Variants in PDE10A observed in about 807,000 individuals in gnomAD.
PDE10A encodes phosphodiesterase 10A.
PDE10A carries 39 observed loss-of-function variants against 97.7 expected under a neutral mutation model. The ratio of observed to expected loss-of-function variants is 0.40; its 90% CI spans 0.31 to 0.52. The LOEUF is 0.52. PDE10A is among the 20% of genes least tolerant of loss of function. PDE10A has a pLI of 0.56. For synonymous variants in PDE10A, 371 were observed against 376.8 expected (o/e 0.98, Z 0.18); for missense variants, 731 against 1,047.8 (o/e 0.70, Z 4.17).
At chr6:165,425,317 A>G (rs1789034414) in intron 10 of PDE10A, among the ~76,000 whole-genome samples, 2 of 152,186 alleles carry the variant, frequency 1.3e-5, no homozygotes, top group Non-Finnish European at 2.9e-5. Context: ...TAAATTTAGG[A>G]CAATTCCAAT....
intron 1 of PDE10A, among the ~76,000 whole-genome samples, chr6:165,717,938 C>T (rs1792066279): frequency 6.6e-6 from 1 of 152,146 alleles, no homozygotes; most frequent in Non-Finnish European, 1.5e-5. Context: ...ATCAGGATGT[C>T]TGGGGTTTTT....
intron 1 of PDE10A, among the ~76,000 whole-genome samples, chr6:165,967,348 T>A (rs2128499874): frequency 6.6e-6 from 1 of 152,232 alleles, no homozygotes; most frequent in Non-Finnish European, 1.5e-5. Context: ...AATACAAACA[T>A]TAGCCGGCTG....
At chr6:165,965,051 G>A (rs1046845756) in intron 1 of PDE10A, among the ~76,000 whole-genome samples, 10 of 152,306 alleles carry the variant, frequency 6.6e-5, no homozygotes, top group African/African-American at 1.7e-4. Context: ...TGACCCTGAC[G>A]GCCACCCAGG....
At chr6:165,393,284 T>G (rs752387100) in intron 15 of PDE10A, among the ~76,000 whole-genome samples, 2 of 152,130 alleles carry the variant, frequency 1.3e-5, no homozygotes, top group Non-Finnish European at 2.9e-5. Flanking sequence ...TTCCAAAGTA[T>G]TAAGGTTTAT....
At chr6:165,481,839 G>C (rs1779620324) in intron 3 of PDE10A, among the ~76,000 whole-genome samples, 1 of 152,152 alleles carries the variant, frequency 6.6e-6, no homozygotes, top group Non-Finnish European at 1.5e-5. Context: ...CTCCCAAAAA[G>C]AAAGTGCATG....
At chr6:165,492,947 A>C (rs1201222918) in intron 2 of PDE10A, among the ~76,000 whole-genome samples, 3 of 152,128 alleles carry the variant, frequency 2.0e-5, no homozygotes, top group African/African-American at 7.2e-5. Flanking sequence ...CTAAAGACTC[A>C]TCCAAAAAGC....
intron 10 of PDE10A, among the ~76,000 whole-genome samples, chr6:165,423,996 T>C (rs1202514724): frequency 6.6e-6 from 1 of 152,182 alleles, no homozygotes; most frequent in Non-Finnish European, 1.5e-5. Context: ...ATATCTGATC[T>C]TGCACCTCTA....
chr6:165,359,252 G>A (rs1783228034), intron 18 of PDE10A, among the ~76,000 whole-genome samples: 1 of 152,090 alleles, frequency 6.6e-6, no homozygotes, highest in Non-Finnish European at 1.5e-5. Flanking sequence ...ATCACTCTGA[G>A]GTTTCTCCTT....
intron 1 of PDE10A, among the ~76,000 whole-genome samples, chr6:165,924,381 A>C (rs1235851401): frequency 6.6e-6 from 1 of 151,958 alleles, no homozygotes; most frequent in Non-Finnish European, 1.5e-5. Flanking sequence ...GTTGGATGGA[A>C]TATCCCCCTC....
intron 3 of PDE10A, among the ~76,000 whole-genome samples, chr6:165,461,804 G>A (rs1583329018): frequency 1.3e-5 from 2 of 152,326 alleles, no homozygotes; most frequent in South Asian, 2.1e-4. Context: ...GGCCTCAAAC[G>A]CAGATACAGC....
intron 1 of PDE10A, among the ~76,000 whole-genome samples, chr6:165,789,774 T>C (rs1186455016): frequency 6.6e-6 from 1 of 151,624 alleles, no homozygotes; most frequent in Non-Finnish European, 1.5e-5. Flanking sequence ...GCCAAAGACA[T>C]GCTTTATCTT....
chr6:165,342,762 A>AT (rs1782049439), intron 19 of PDE10A, among the ~76,000 whole-genome samples: 1 of 152,226 alleles, frequency 6.6e-6, no homozygotes, highest in Non-Finnish European at 1.5e-5. Context: ...GGATGGGAGA[A>AT]TGATATTCTA....
rs1471323741 is a variant in PDE10A at position 165,327,366 on chromosome 6, A to T, written c.*5659T>A. ...TTATGAACATTTCTAAATATATTTC[A>T]TGTATCATACATATATATATTTTAT... On this transcript the variant is annotated 3_prime_UTR_variant, in exon 22 of 22. Coordinates refer to ENST00000539869, the MANE Select transcript of PDE10A (RefSeq NM_001385079.1). 3.9e-5 allele frequency: 6 copies of T among 152,238 alleles called. No homozygotes were observed. Among genetic ancestry groups the T allele is most frequent in the Non-Finnish European group, 8.8e-5 (6 of 68,036 alleles). The allele number at this position is 152,238 out of a possible 1,614,324, so 9.4% of individuals were successfully genotyped here. A position where few individuals can be genotyped will look rare whatever the true frequency, so the allele number is the denominator to read the frequency against.
At chr6:165,754,695 G>A (rs1185088993) in intron 1 of PDE10A, among the ~76,000 whole-genome samples, 3 of 152,072 alleles carry the variant, frequency 2.0e-5, no homozygotes, top group African/African-American at 4.8e-5. Flanking sequence ...TCCACTTACC[G>A]TGTGAATTTG....
chr6:165,545,553 C>CA (rs766690495), intron 1 of PDE10A, among the ~76,000 whole-genome samples: 24 of 151,716 alleles, frequency 1.6e-4, no homozygotes, highest in Non-Finnish European at 2.4e-4. Flanking sequence ...CCAAAATAAA[C>CA]AAAAAAACAC....
chr6:165,452,638 C>T (rs1791386304), intron 3 of PDE10A, among the ~76,000 whole-genome samples: 1 of 152,118 alleles, frequency 6.6e-6, no homozygotes, highest in African/African-American at 2.4e-5. Flanking sequence ...CCAGGACCTC[C>T]CAGCCTCCAA....
chr6:165,796,190 A>G (rs9356390), intron 1 of PDE10A, among the ~76,000 whole-genome samples: 83,964 of 145,970 alleles, frequency 0.58, 23,704 homozygotes, highest in Middle Eastern at 0.66. Context: ...CCGCCTCCCG[A>G]GTTCACGCCA....
chr6:165,406,439 T>C (rs1787176197), intron 13 of PDE10A, among the ~76,000 whole-genome samples: 1 of 152,200 alleles, frequency 6.6e-6, no homozygotes, highest in Non-Finnish European at 1.5e-5. Flanking sequence ...TTAATTTACA[T>C]AATTCTCCTT....
intron 1 of PDE10A, among the ~76,000 whole-genome samples, chr6:165,877,568 G>A (rs1381822545): frequency 3.3e-5 from 5 of 152,034 alleles, no homozygotes; most frequent in South Asian, 2.1e-4. Context: ...TTTTATATGC[G>A]TGTACAGCAT....
Sources: allele counts gnomAD v4.1 joint callset (sites outside exome capture counted in the v4.1 genomes callset), GRCh38; gene constraint gnomAD v4.1.1; transcripts MANE v1.5; gene names NCBI Gene and HGNC (gene_info 2026-07-23, HGNC 2026-07-21).